Variants in C12orf50 observed in about 807,000 individuals in gnomAD.
The protein encoded by C12orf50 is uncharacterized protein C12orf50.
In C12orf50, 35 loss-of-function variants were observed where a neutral mutation model predicts 61.6. That is an observed-to-expected ratio of 0.57 (90% CI 0.43 to 0.75). The LOEUF (loss-of-function observed/expected upper bound fraction) is 0.75. Ranked by LOEUF, C12orf50 falls within the 30% of genes least tolerant of loss-of-function variation. The probability of loss-of-function intolerance (pLI) is 0.00; values close to 1 mark genes in which losing one functional copy is unlikely to be tolerated. For synonymous variants in C12orf50, 178 were observed against 161.5 expected (o/e 1.10, Z -0.77); for missense variants, 475 against 488.5 (o/e 0.97, Z 0.26).
chr12:88,005,898 T>A (rs2031847296), intron 3 of C12orf50, among the ~76,000 whole-genome samples: 1 of 150,254 alleles, frequency 6.7e-6, no homozygotes, highest in Non-Finnish European at 1.5e-5. Context: ...GGACTATGTT[T>A]TTTTGTTTTT....
intron 3 of C12orf50, among the ~76,000 whole-genome samples, chr12:88,000,256 G>C (rs1407144441): frequency 2.6e-5 from 4 of 152,000 alleles, no homozygotes; most frequent in Non-Finnish European, 5.9e-5. Flanking sequence ...CTATCTAGTT[G>C]TCTTAGCACC....
At chr12:87,988,784 G>A (rs2030974034) in intron 8 of C12orf50, among the ~76,000 whole-genome samples, 1 of 152,132 alleles carries the variant, frequency 6.6e-6, no homozygotes, top group Non-Finnish European at 1.5e-5. Flanking sequence ...GCACTCAGCA[G>A]AGAGATAACA....
At chr12:88,014,473 T>C (rs1299062605) in intron 3 of C12orf50, among the ~76,000 whole-genome samples, 1 of 152,020 alleles carries the variant, frequency 6.6e-6, no homozygotes, top group East Asian at 1.9e-4. Context: ...GGCTAATTTT[T>C]GTATTTTTAG....
intron 6 of C12orf50, among the ~76,000 whole-genome samples, chr12:87,995,519 G>A (rs2031342648): frequency 6.6e-6 from 1 of 152,106 alleles, no homozygotes; most frequent in South Asian, 2.1e-4. Context: ...AAATGCTAAC[G>A]TTTGAAGGAA....
At chr12:87,991,316 T>C (rs1371768198) in intron 7 of C12orf50, among the ~76,000 whole-genome samples, 1 of 151,970 alleles carries the variant, frequency 6.6e-6, no homozygotes, top group Non-Finnish European at 1.5e-5. Context: ...GACAGGACAA[T>C]TGAGCAAAAA....
intron 3 of C12orf50, among the ~76,000 whole-genome samples, chr12:88,008,029 G>A (rs12320540): frequency 0.16 from 24,641 of 151,830 alleles, 3,261 homozygotes; most frequent in African/African-American, 0.37. Context: ...TTAGGGTAAA[G>A]ATATGTGAAG....
chr12:88,008,058 CT>C (rs34825437), intron 3 of C12orf50, among the ~76,000 whole-genome samples: 3,019 of 147,956 alleles, frequency 0.02, 114 homozygotes, highest in East Asian at 0.12. Context: ...ACAGCAATAG[CT>C]TTTTTTTTTA....
chr12:87,999,977 T>C (rs2031585042), intron 3 of C12orf50, among the ~76,000 whole-genome samples: 2 of 152,092 alleles, frequency 1.3e-5, no homozygotes, highest in Admixed American at 6.6e-5. Context: ...AAAATAGATA[T>C]ATTTATAGAA....
intron 3 of C12orf50, among the ~76,000 whole-genome samples, chr12:88,025,455 T>C (rs2032667201): frequency 6.6e-6 from 1 of 152,100 alleles, no homozygotes; most frequent in African/African-American, 2.4e-5. Flanking sequence ...TAAAAAGCAG[T>C]CTGGGAGAAT....
chr12:87,986,553 T>A (rs557257557), intron 9 of C12orf50, 137 bp from the exon 10 acceptor site: 1 of 485,094 alleles, frequency 2.1e-6, no homozygotes, highest in African/African-American at 2.0e-5. Flanking sequence ...AACACTTTAC[T>A]TTTTAGAACA....
intron 7 of C12orf50, 123 bp downstream of exon 7, chr12:87,994,510 C>T: frequency 1.4e-6 from 1 of 715,690 alleles, no homozygotes; most frequent in East Asian, 2.7e-5. Context: ...TGTGATATAC[C>T]TCCAAACTCT....
At chr12:88,027,550 G>T (rs2032753066) in intron 1 of C12orf50, among the ~76,000 whole-genome samples, 1 of 152,096 alleles carries the variant, frequency 6.6e-6, no homozygotes, top group Non-Finnish European at 1.5e-5. Context: ...TTTTTATGGA[G>T]CTTAAAATTT....
At chr12:88,028,389 G>A (rs933319514) in intron 1 of C12orf50, among the ~76,000 whole-genome samples, 1 of 152,072 alleles carries the variant, frequency 6.6e-6, no homozygotes, top group South Asian at 2.1e-4. Context: ...TTTTTCACTG[G>A]ATTATTTCTT....
chr12:87,989,700 C>A (rs1008454386), intron 7 of C12orf50, among the ~76,000 whole-genome samples: 15 of 152,042 alleles, frequency 9.9e-5, no homozygotes, highest in Admixed American at 2.0e-4. Context: ...CATATAACAT[C>A]TTCAGATATA....
At chr12:88,004,004 A>T (rs924959833) in intron 3 of C12orf50, among the ~76,000 whole-genome samples, 7 of 151,676 alleles carry the variant, frequency 4.6e-5, no homozygotes, top group African/African-American at 1.7e-4. Flanking sequence ...CTTCAAATCT[A>T]CTGGTTCTTT....
chr12:88,025,947 C>G (rs2032689157), intron 3 of C12orf50, among the ~76,000 whole-genome samples: 1 of 152,194 alleles, frequency 6.6e-6, no homozygotes, highest in Non-Finnish European at 1.5e-5. Flanking sequence ...GGTAGAGTCT[C>G]AGTACCATTT....
At chr12:88,019,244 T>G (rs150121045) in intron 3 of C12orf50, among the ~76,000 whole-genome samples, 1 of 152,100 alleles carries the variant, frequency 6.6e-6, no homozygotes, top group African/African-American at 2.4e-5. Context: ...TCTCATGAGA[T>G]CTGACGATTT....
At chr12:87,984,401 T>C (rs2030692493) in intron 11 of C12orf50, 1 of 152,166 alleles carries the variant, frequency 6.6e-6, no homozygotes, top group Admixed American at 6.6e-5. Context: ...AATAAAAATT[T>C]TGACTGCATC....
intron 7 of C12orf50, among the ~76,000 whole-genome samples, chr12:87,992,535 G>T (rs148427983): frequency 2.8e-4 from 42 of 152,220 alleles, no homozygotes; most frequent in African/African-American, 7.7e-4. Context: ...TATCTATAGA[G>T]ATTTACTGCT....
Sources: allele counts gnomAD v4.1 joint callset (sites outside exome capture counted in the v4.1 genomes callset), GRCh38; gene constraint gnomAD v4.1.1; transcripts MANE v1.5; gene names NCBI Gene and HGNC (gene_info 2026-07-23, HGNC 2026-07-21).